DOCK11: variants seen among roughly 807,000 people sequenced by gnomAD.
DOCK11 encodes dedicator of cytokinesis protein 11.
In DOCK11, 70 loss-of-function variants were observed where a neutral mutation model predicts 169.1. The observed-to-expected ratio is 0.41, with a 90% confidence interval of 0.34 to 0.51. The LOEUF (loss-of-function observed/expected upper bound fraction) is 0.51. Ranked by LOEUF, DOCK11 falls within the 20% of genes least tolerant of loss-of-function variation. DOCK11 has a pLI of 0.10. For missense variants in DOCK11, 1,166 were observed against 1,538.8 expected, an observed-to-expected ratio of 0.76 and a Z score of 4.05; for synonymous variants, 529 against 541.3, an observed-to-expected ratio of 0.98 and a Z score of 0.32.
At chrX:118,605,406 T>C in intron 24 of DOCK11, 50 bp downstream of exon 24, 1 of 925,991 alleles carries the variant, frequency 1.1e-6, no homozygotes, top group Admixed American at 2.8e-5. Context: ...GAGATCTTTC[T>C]TATTTTTTAA....
chrX:118,665,929 C>T (rs1254331192), intron 45 of DOCK11, among the ~76,000 whole-genome samples: 2 of 111,445 alleles, frequency 1.8e-5, no homozygotes, highest in South Asian at 3.7e-4. Context: ...GTCCTGATGA[C>T]GTGTGCCCCT....
intron 13 of DOCK11, among the ~76,000 whole-genome samples, chrX:118,579,347 G>T (rs1433854407): frequency 1.8e-5 from 2 of 111,512 alleles, no homozygotes; most frequent in African/African-American, 6.5e-5. Context: ...TTTATAAATG[G>T]AAAAACTGAG....
intron 35 of DOCK11, among the ~76,000 whole-genome samples, chrX:118,631,637 GT>G (rs200466229): frequency 1.8e-5 from 2 of 109,339 alleles, no homozygotes; most frequent in South Asian, 3.8e-4. Flanking sequence ...CTCAGTAAAT[GT>G]TTTTTTTTAA....
chrX:118,546,982 T>G (rs2012308529), intron 6 of DOCK11, among the ~76,000 whole-genome samples: 1 of 108,910 alleles, frequency 9.2e-6, no homozygotes. Flanking sequence ...AGAGGGAGAG[T>G]GTATCTCAAA....
At chrX:118,604,005 T>C (rs1255960875) in intron 23 of DOCK11, among the ~76,000 whole-genome samples, 1 of 112,240 alleles carries the variant, frequency 8.9e-6, no homozygotes, top group Non-Finnish European at 1.9e-5. Context: ...ATCTTCGCAC[T>C]ATTGACATTT....
chrX:118,641,557 C>T (rs894441285), intron 39 of DOCK11, among the ~76,000 whole-genome samples: 20 of 111,318 alleles, frequency 1.8e-4, no homozygotes, highest in Admixed American at 1.5e-3. Context: ...ATTAGATTTT[C>T]GTATTTAAAA....
chrX:118,660,113 C>T (rs888832652), intron 44 of DOCK11, among the ~76,000 whole-genome samples: 1 of 111,589 alleles, frequency 9.0e-6, no homozygotes, highest in African/African-American at 3.3e-5. Flanking sequence ...ATGGTTTCTT[C>T]TACATTTCAA....
At chrX:118,622,636 C>T (rs1368841752) in intron 31 of DOCK11, among the ~76,000 whole-genome samples, 2 of 111,423 alleles carry the variant, frequency 1.8e-5, no homozygotes, top group African/African-American at 6.5e-5. Flanking sequence ...TCACTATATG[C>T]CGAACACTAT....
In DOCK11 at chrX:118,681,198, G is replaced by A. The variant is rs1221228296; in HGVS notation, c.5812G>A (p.Val1938Met). The A allele has an allele frequency of 5.8e-6, 7 of 1,204,845 alleles. No homozygotes were observed. Among genetic ancestry groups the A allele is most frequent in the Non-Finnish European group, 7.8e-6 (7 of 892,880 alleles). ...ELQKLCSSTD[V>M]DMIQLQLKLQ... ...GCAAAAGCTTTGCTCCTCTACTGAC[G>A]TGGACATGATTCAGCTCCAACTTAA... is the stretch of plus-strand genomic sequence containing the variant. The change falls in exon 50 of 53, where the codon GTG becomes ATG. Residue 1938 changes from valine (V) to methionine (M), a missense_variant. Coordinates refer to ENST00000276202, the MANE Select transcript of DOCK11 (RefSeq NM_144658.4).
At chrX:118,510,738 C>T (rs962409871) in intron 1 of DOCK11, among the ~76,000 whole-genome samples, 2 of 111,661 alleles carry the variant, frequency 1.8e-5, no homozygotes, top group Admixed American at 1.9e-4. Context: ...ATGCTTTGCC[C>T]AGCCTGAAGG....
rs1556312711 is a variant in DOCK11, at chrX:118,619,497, AATAT to A, written c.3471+783_3471+786del. On this transcript the variant is annotated intron_variant, in intron 31 of 52. Transcript: ENST00000276202. The stretch of plus-strand genomic sequence containing the variant: ...CTCTGTCTCAAAAAAAAAAAAAAAA[AATAT>A]ATATATATATATAGTTTAGTTAACT... 9.6e-4 allele frequency among the ~76,000 whole-genome samples: 87 copies of A among 90,826 alleles called. 1 individual carries two copies. The highest frequency in any genetic ancestry group is 5.6e-3 in the Middle Eastern group (1 of 179). The allele number at this position is 90,826 out of a possible 115,157, so 78.9% of individuals were successfully genotyped here. A position where few individuals can be genotyped will look rare whatever the true frequency, so the allele number is the denominator to read the frequency against.
At chrX:118,570,427 A>T (rs1224738124) in intron 10 of DOCK11, among the ~76,000 whole-genome samples, 1 of 112,200 alleles carries the variant, frequency 8.9e-6, no homozygotes, top group Non-Finnish European at 1.9e-5. Context: ...CATGGCAATG[A>T]CTTGCCTCCA....
At chrX:118,658,915 G>C (rs949383825) in intron 44 of DOCK11, among the ~76,000 whole-genome samples, 1 of 111,302 alleles carries the variant, frequency 9.0e-6, no homozygotes, top group Admixed American at 9.6e-5. Context: ...AAAGCTTCAG[G>C]CCTGCAAGGA....
chrX:118,655,745 G>A (rs1234036588), intron 44 of DOCK11, among the ~76,000 whole-genome samples: 1 of 112,042 alleles, frequency 8.9e-6, no homozygotes, highest in African/African-American at 3.2e-5. Flanking sequence ...AATGGAGCTG[G>A]CAACCAAGAA....
chrX:118,597,619 C>T, intron 21 of DOCK11, 67 bp downstream of exon 21: 3 of 1,170,986 alleles, frequency 2.6e-6, no homozygotes, highest in Non-Finnish European at 3.5e-6. Flanking sequence ...TTCTGTTGGT[C>T]TCGATTGTTT....
intron 30 of DOCK11, among the ~76,000 whole-genome samples, chrX:118,617,507 A>G (rs1290717332): frequency 9.6e-6 from 1 of 103,963 alleles, no homozygotes; most frequent in African/African-American, 3.5e-5. Flanking sequence ...AAAAAAAATT[A>G]CTAAACCTGA....
intron 1 of DOCK11, among the ~76,000 whole-genome samples, chrX:118,529,499 C>G (rs1051500571): frequency 8.9e-6 from 1 of 111,933 alleles, no homozygotes; most frequent in African/African-American, 3.3e-5. Context: ...TTGTAAGAGG[C>G]AGAAAATCTT....
At chrX:118,646,290 A>G (rs951778854) in intron 40 of DOCK11, among the ~76,000 whole-genome samples, 1 of 110,749 alleles carries the variant, frequency 9.0e-6, no homozygotes, top group Non-Finnish European at 1.9e-5. Context: ...TGGTAGTTGA[A>G]GCCATGGGAG....
intron 8 of DOCK11, 45 bp downstream of exon 8, chrX:118,566,227 T>C (rs754716110): frequency 1.8e-6 from 2 of 1,108,829 alleles, no homozygotes. Context: ...AGCCCTTGTC[T>C]TTAATCCGTG....
Sources: gnomAD v4.1 joint callset for allele counts (sites outside exome capture counted in the v4.1 genomes callset) on GRCh38, gnomAD v4.1.1 for gene constraint, MANE v1.5 for transcripts, NCBI Gene and HGNC (gene_info 2026-07-23, HGNC 2026-07-21) for gene names.